Variants in LEMD2 observed in about 807,000 individuals in gnomAD.
LEMD2 encodes the protein LEM domain-containing protein 2.
LEMD2 carries 34 observed loss-of-function variants against 58.8 expected under a neutral mutation model. The observed-to-expected ratio is 0.58, with a 90% confidence interval of 0.44 to 0.77. The LOEUF (loss-of-function observed/expected upper bound fraction) is 0.77, where lower values mean the gene tolerates loss of function less well. Among genes scored for constraint, LEMD2 ranks in the 30% least tolerant of loss-of-function variants. The pLI is 0.00. For missense variants in LEMD2, 629 were observed against 717.9 expected, an observed-to-expected ratio of 0.88 and a Z score of 1.42; for synonymous variants, 298 against 308.9, an observed-to-expected ratio of 0.96 and a Z score of 0.37.
Position 33,784,386 on chromosome 6 carries a change from C to T in LEMD2, c.819G>A (p.Leu273=), listed in dbSNP as rs747344875. ...AKQKAALLEL[L]HELYNFLAIQ... ...TGGCCAGGAAATTGTAGAGTTCATG[C>T]AGCAGCTCCAGCAAGGCTGCCTTCT... is the stretch of plus-strand genomic sequence containing the variant. Residue 273 remains leucine (L), a synonymous_variant, in exon 3 of 9, where the codon CTG becomes CTA. Coordinates refer to ENST00000293760, the MANE Select transcript of LEMD2 (RefSeq NM_181336.4). The T allele has an allele frequency of 6.3e-6, 10 of 1,598,616 alleles. No homozygotes were observed. Among genetic ancestry groups the T allele is most frequent in the Non-Finnish European group, 8.5e-6 (10 of 1,174,954 alleles).
Position 33,778,253 on chromosome 6 carries a change from A to T in LEMD2, c.1145T>A (p.Ile382Asn). 6.3e-7 allele frequency: 1 copy of T among 1,597,820 alleles called. No homozygotes were observed. Among genetic ancestry groups the T allele is most frequent in the Non-Finnish European group, 8.5e-7 (1 of 1,171,108 alleles). The change falls in exon 6 of 9, where the codon ATC becomes AAC. Residue 382 changes from isoleucine (I) to asparagine (N), a missense_variant. By Grantham distance (149) the Ile-to-Asn change is moderately radical. This residue lies in a region of LEMD2 where 243 missense variants were observed against 336.8 expected (regional missense o/e 0.72). Coordinates refer to ENST00000293760, the MANE Select transcript of LEMD2 (RefSeq NM_181336.4). This position sits in a 1 kb window ranked among gnomAD's most constrained non-coding sequence, Gnocchi z 4.7. ...GGCCGAGGACTTACACCAGAAGAAGATGAGCACGTTGGTGACAGCAGTGAG... is the reference window on the plus strand; with the variant it reads ...GGCCGAGGACTTACACCAGAAGAAGTTGAGCACGTTGGTGACAGCAGTGAG... ...ALLTAVTNVLIFFWCLAFLWG... is the reference protein window; with the variant it reads ...ALLTAVTNVLNFFWCLAFLWG...
intron 4 of LEMD2, 46 bp downstream of exon 4, chr6:33,781,031 A>C (rs761377883): frequency 1.5e-6 from 2 of 1,330,976 alleles, no homozygotes; most frequent in Admixed American, 3.7e-5. Context: ...CCAATAGGAA[A>C]GCACCAGGCC....
chr6:33,776,552 A>C, intron 8 of LEMD2: 2 of 233,354 alleles, frequency 8.6e-6, no homozygotes, highest in Non-Finnish European at 1.8e-5. Flanking sequence ...CACGAGAATC[A>C]CAAGAGCAAT....
intron 4 of LEMD2, among the ~76,000 whole-genome samples, chr6:33,780,517 T>G (rs886869224): frequency 9.9e-5 from 15 of 151,596 alleles, no homozygotes; most frequent in African/African-American, 2.9e-4. Context: ...TGGCTGGGGG[T>G]GGGTGAGCCC....
intron 8 of LEMD2, among the ~76,000 whole-genome samples, chr6:33,775,677 T>C (rs557070046): frequency 8.5e-5 from 13 of 152,292 alleles, no homozygotes; most frequent in African/African-American, 3.1e-4. Context: ...AGGGATGATG[T>C]TGACAGTAGA....
chr6:33,773,091 G>A (rs1767342060), intron 8 of LEMD2, among the ~76,000 whole-genome samples: 5 of 152,276 alleles, frequency 3.3e-5, no homozygotes, highest in Non-Finnish European at 5.9e-5. Flanking sequence ...GGGACCTGTT[G>A]CCTGCGCAGC....
rs1767451586 is a variant in LEMD2 at position 33,777,187 on chromosome 6, C to T, written c.1209G>A (p.Lys403=). 2.5e-6 allele frequency: 4 copies of T among 1,614,104 alleles called. No individual in the cohort carries two copies. Among genetic ancestry groups the T allele is most frequent in the South Asian group, 1.1e-5 (1 of 91,088 alleles). The change falls in exon 7 of 9, where the codon AAG becomes AAA. Residue 403 remains lysine (K), a synonymous_variant. Coordinates refer to ENST00000293760, the MANE Select transcript of LEMD2 (RefSeq NM_181336.4). The stretch of plus-strand genomic sequence containing the variant: ...ACATGGCTTGTTCCTCCTCTTCTAA[C>T]TTTCGCCACCGATATTTTAGGAGAA... The part of the protein sequence containing the change: ...LLILLKYRWR[K]LEEEEQAMYE...
intron 3 of LEMD2, 180 bp from the exon 4 acceptor site, chr6:33,781,333 G>C (rs907542943): frequency 3.4e-6 from 2 of 594,140 alleles, no homozygotes; most frequent in Non-Finnish European, 6.0e-6. Flanking sequence ...AGCTTGGATC[G>C]ATTCCAGATC....
At chr6:33,788,313 G>A (rs1229043488) in intron 1 of LEMD2, 68 bp downstream of exon 1, 4 of 1,431,090 alleles carry the variant, frequency 2.8e-6, no homozygotes, top group African/African-American at 1.5e-5. Flanking sequence ...GGCGCCGACA[G>A]GAACGGGGGG....
chr6:33,788,879 CGGCGGGCCG>C lies in LEMD2; in HGVS notation c.229_237del (p.Arg77_Ala79del), dbSNP rs781333792. The stretch of plus-strand genomic sequence containing the variant: ...CAGGGCTCCGCCCGCGGAGAGGCCG[CGGCGGGCCG>C]GGCGCGCAGCGGCGCATCCTCGCGT... On this transcript the variant is annotated inframe_deletion, in exon 1 of 9. Coordinates refer to ENST00000293760, the MANE Select transcript of LEMD2 (RefSeq NM_181336.4). 7.3e-7 allele frequency: 1 copy of C among 1,375,848 alleles called. No individual in the cohort carries two copies. The highest frequency in any genetic ancestry group is 1.7e-5 in the South Asian group (1 of 59,394). 85.2% of individuals were successfully genotyped at this position (1,375,848 alleles called of 1,614,324 possible).
chr6:33,775,402 C>T (rs1053092887), intron 8 of LEMD2, among the ~76,000 whole-genome samples: 5 of 152,164 alleles, frequency 3.3e-5, no homozygotes, highest in East Asian at 1.9e-4. Context: ...ACTGTTGCCT[C>T]GACCTCCTGG....
Position 33,778,827 on chromosome 6 carries a change from ATCATGGGGCATCCATGAGGC to A in LEMD2, c.1011-460_1011-441del, listed in dbSNP as rs1767499182. 1 of 152,678 alleles carries A rather than the reference ATCATGGGGCATCCATGAGGC, an allele frequency of 6.5e-6. No individual in the cohort carries two copies. The highest frequency in any genetic ancestry group is 1.5e-5 in the Non-Finnish European group (1 of 68,474). 9.5% of individuals were successfully genotyped at this position (152,678 alleles called of 1,614,324 possible). On this transcript the variant is annotated intron_variant, in intron 5 of 8. Coordinates refer to ENST00000293760, the MANE Select transcript of LEMD2 (RefSeq NM_181336.4). This position sits in a 1 kb window ranked among gnomAD's most constrained non-coding sequence, Gnocchi z 4.7. ...GCACATAAGCTGTTTAAGTGTAAAG[ATCATGGGGCATCCATGAGGC>A]TCATGGGGAATCCGTGAGGCTCATG...
In LEMD2 at chr6:33,780,105, G is replaced by A; in HGVS notation, c.1005C>T (p.Gly335=). 6.3e-7 allele frequency: 1 copy of A among 1,589,168 alleles called. No individual in the cohort carries two copies. The highest frequency in any genetic ancestry group is 1.1e-5 in the South Asian group (1 of 87,372). ...GCCACCCTGCCCACACTCACCAGAT[G>A]CCCACGTCCTTGTTACTGCTCAGTA... ...TWILSSNKDV[G]IWLKGEDQSE... Residue 335 remains glycine (G), a synonymous_variant, in exon 5 of 9, where the codon GGC becomes GGT. Coordinates refer to ENST00000293760, the MANE Select transcript of LEMD2 (RefSeq NM_181336.4).
chr6:33,788,182 G>A (rs917327342), intron 1 of LEMD2, among the ~76,000 whole-genome samples, 199 bp downstream of exon 1: 9 of 152,262 alleles, frequency 5.9e-5, no homozygotes, highest in Non-Finnish European at 1.2e-4. Flanking sequence ...AGGAGAAAGT[G>A]AAGGCAGAAA....
chr6:33,789,104 A>G lies in LEMD2; in HGVS notation c.13T>C (p.Ser5Pro). 6.5e-7 allele frequency: 1 copy of G among 1,535,550 alleles called. No homozygotes were observed. Among genetic ancestry groups the G allele is most frequent in the Non-Finnish European group, 8.7e-7 (1 of 1,151,586 alleles). MAGLSDLELRRELQA... is the reference protein window; with the variant it reads MAGLPDLELRRELQA... ...AGCTCCCGCCGCAGTTCCAGGTCCG[A>G]CAGGCCGGCCATGGCCAGGACGCCG... The change falls in exon 1 of 9, where the codon TCG becomes CCG. Residue 5 changes from serine (S) to proline (P), a missense_variant. Ser to Pro is a moderately conservative substitution (Grantham distance 74). Transcript: ENST00000293760.
rs781658789 is a variant in LEMD2, at chr6:33,788,380, C to G, written c.736+1G>C. On this transcript the variant is annotated splice_donor_variant, in intron 1 of 8. Transcript: ENST00000293760. LOFTEE classifies it high-confidence loss of function. ...CTCCCCTGCGCCGGCCCAGGACGTA[C>G]TGTTGTCCTCCGCCTCCTGCGGCGC... is the stretch of plus-strand genomic sequence containing the variant. 4 of 1,571,806 alleles carry G rather than the reference C, an allele frequency of 2.5e-6. No homozygotes were observed. Among genetic ancestry groups the G allele is most frequent in the Non-Finnish European group, 3.4e-6 (4 of 1,160,686 alleles).
At chr6:33,774,216 G>C (rs1767376892) in intron 8 of LEMD2, among the ~76,000 whole-genome samples, 1 of 146,236 alleles carries the variant, frequency 6.8e-6, no homozygotes, top group African/African-American at 2.6e-5. Flanking sequence ...GTGTCACCCA[G>C]GCTGGAGTGC....
rs750431555 is a variant in LEMD2, at chr6:33,780,198, G to C, written c.931-19C>G. The C allele has an allele frequency of 1.7e-5, 27 of 1,572,298 alleles. No homozygotes were observed. Among genetic ancestry groups the C allele is most frequent in the East Asian group, 2.3e-5 (1 of 42,976 alleles). On this transcript the variant is annotated intron_variant, in intron 4 of 8. Coordinates refer to ENST00000293760, the MANE Select transcript of LEMD2 (RefSeq NM_181336.4). ...TCACATTCTGTGGGAGGGCGCGGGA[G>C]AAGGTTAGTTCGGCGTCTGGGCGGA...
In LEMD2 at chr6:33,777,001, A is replaced by G; in HGVS notation, c.1314T>C (p.Tyr438=). 8 of 1,614,222 alleles carry G rather than the reference A, an allele frequency of 5.0e-6. No individual in the cohort carries two copies. Among genetic ancestry groups the G allele is most frequent in the Non-Finnish European group, 5.9e-6 (7 of 1,180,046 alleles). ...DWEQDMERYP[Y]VGILHVRDSL... is the part of the protein sequence containing the mutation. Reference sequence around the variant, plus strand: ...TGTCGCGCACGTGCAGGATGCCTACATATGGATAGCGCTCCATGTCCTGCT... The same window carrying G: ...TGTCGCGCACGTGCAGGATGCCTACGTATGGATAGCGCTCCATGTCCTGCT... Residue 438 remains tyrosine (Y), a synonymous_variant, in exon 8 of 9, where the codon TAT becomes TAC. Coordinates refer to ENST00000293760, the MANE Select transcript of LEMD2 (RefSeq NM_181336.4).
Sources: allele counts gnomAD v4.1 joint callset (sites outside exome capture counted in the v4.1 genomes callset), GRCh38; gene constraint gnomAD v4.1.1; regional missense constraint gnomAD v4.1.1; non-coding constraint Gnocchi (gnomAD v3.1); transcripts MANE v1.5; gene names NCBI Gene and HGNC (gene_info 2026-07-23, HGNC 2026-07-21).